Variants in ARHGAP35 observed in about 807,000 individuals in gnomAD.
ARHGAP35 encodes the protein rho GTPase-activating protein 35.
A neutral mutation model predicts 111.1 loss-of-function variants in ARHGAP35; 15 were observed. The observed-to-expected ratio is 0.13, with a 90% CI of 0.09 to 0.21. The LOEUF is 0.21. Ranked by LOEUF, ARHGAP35 falls within the 10% of genes least tolerant of loss-of-function variation. The probability of loss-of-function intolerance (pLI) is 1.00; values close to 1 mark genes in which losing one functional copy is unlikely to be tolerated. For synonymous variants in ARHGAP35, 643 were observed against 710.3 expected (o/e 0.91, Z 1.51); for missense variants, 1,262 against 1,873.0 (o/e 0.67, Z 6.02).
At position 46,988,155 on chromosome 19, in the gene ARHGAP35, C is replaced by T; in HGVS notation, c.3904+89C>T. 2 of 1,283,568 alleles carry T rather than the reference C, an allele frequency of 1.6e-6. No homozygotes were observed. Among genetic ancestry groups the T allele is most frequent in the Non-Finnish European group, 2.2e-6 (2 of 907,486 alleles). 79.5% of individuals were successfully genotyped at this position (1,283,568 alleles called of 1,614,324 possible). ...GTGAACTGTCTGTGGGGCTTCGGAG[C>T]ACTCCTGCCAGCACAGACCCAAAGC... On this transcript the variant is annotated intron_variant, in intron 4 of 6. Coordinates refer to ENST00000672722, the MANE Select transcript of ARHGAP35 (RefSeq NM_004491.5). This position sits in a 1 kb window ranked among gnomAD's most constrained non-coding sequence, Gnocchi z 5.4.
At chr19:46,946,313 A>G (rs2122239071) in intron 3 of ARHGAP35, among the ~76,000 whole-genome samples, 1 of 152,320 alleles carries the variant, frequency 6.6e-6, no homozygotes, top group East Asian at 1.9e-4. Flanking sequence ...GGGTCAGGGT[A>G]CATCTCAGTC....
intron 3 of ARHGAP35, 141 bp from the exon 4 acceptor site, chr19:46,987,848 G>C: frequency 1.5e-6 from 1 of 660,244 alleles, no homozygotes; most frequent in Non-Finnish European, 2.6e-6. Context: ...AAAATCAAAC[G>C]AGAGTGTGCT....
At chr19:46,976,570 G>A (rs189677624) in intron 3 of ARHGAP35, among the ~76,000 whole-genome samples, 43 of 152,368 alleles carry the variant, frequency 2.8e-4, no homozygotes, top group African/African-American at 1.0e-3. Flanking sequence ...GGTTCCAGCC[G>A]GCTGCTTTGC....
intron 1 of ARHGAP35, among the ~76,000 whole-genome samples, chr19:46,872,140 A>G (rs1372136514): frequency 1.3e-5 from 2 of 152,210 alleles, no homozygotes; most frequent in African/African-American, 2.4e-5. Context: ...GCTTTGTGGA[A>G]AGGTTATGGA....
Position 46,919,406 on chromosome 19 carries a change from T to C in ARHGAP35, c.731T>C (p.Val244Ala), listed in dbSNP as rs1253947315. ...GTGGACTTGGCTTTCAGCACCTTAG[T>C]GCAACTCATTGATAAAAGTCGGGGA... is the stretch of plus-strand genomic sequence containing the variant. ...VNVDLAFSTL[V>A]QLIDKSRGKT... The change falls in exon 2 of 7, where the codon GTG becomes GCG. Residue 244 changes from valine (V) to alanine (A), a missense_variant. Val to Ala is a moderately conservative substitution (Grantham distance 64). This residue lies in a region of ARHGAP35 where 328 missense variants were observed against 440.8 expected (regional missense o/e 0.74). Transcript: ENST00000672722. The surrounding 1 kb of genome is among the most constrained non-coding windows in gnomAD (Gnocchi z 6.2). 1.2e-6 allele frequency: 2 copies of C among 1,614,004 alleles called. No individual in the cohort carries two copies. Among genetic ancestry groups the C allele is most frequent in the Admixed American group, 1.7e-5 (1 of 60,026 alleles).
In ARHGAP35 at chr19:46,926,947, T is replaced by C. The variant is rs898896841; in HGVS notation, c.3681+4591T>C. On this transcript the variant is annotated intron_variant, in intron 2 of 6. Transcript: ENST00000672722. The surrounding 1 kb of genome is among the most constrained non-coding windows in gnomAD (Gnocchi z 4.1). ...ACTGCTTGCTCCCCTGGGAGGGATG[T>C]TGAGTTTTGACAGACAAGCTGAATG... Among the ~76,000 whole-genome samples, 1 of 152,182 alleles carries C rather than the reference T, an allele frequency of 6.6e-6. No individual in the cohort carries two copies. Among genetic ancestry groups the C allele is most frequent in the Non-Finnish European group, 1.5e-5 (1 of 68,044 alleles).
intron 1 of ARHGAP35, among the ~76,000 whole-genome samples, chr19:46,912,805 C>G (rs934516111): frequency 4.6e-5 from 7 of 151,998 alleles, no homozygotes; most frequent in African/African-American, 7.2e-5. Context: ...CTCCCACCCC[C>G]CAACTGAGTC....
rs1201766891 is a variant in ARHGAP35 at position 46,921,153 on chromosome 19, C to G, written c.2478C>G (p.Ile826Met). The change falls in exon 2 of 7, where the codon ATC (isoleucine) becomes ATG (methionine). Residue 826 changes from isoleucine (I) to methionine (M), a missense_variant. Ile to Met is a conservative substitution (Grantham distance 10). Around this residue, in one of 8 missense-constraint regions of ARHGAP35, gnomAD observed 579 missense variants for 716.9 expected, o/e 0.81. Transcript: ENST00000672722. The surrounding 1 kb of genome is among the most constrained non-coding windows in gnomAD (Gnocchi z 4.3). ...ACTCTGTTTTACTTGAACTACCAAT[C>G]GGACTGCACAAGAAGCGGATTGAAC... ...SNNSVLLELP[I>M]GLHKKRIELS... is the part of the protein sequence containing the mutation. The G allele has an allele frequency of 1.2e-6, 2 of 1,614,024 alleles. No homozygotes were observed. The highest frequency in any genetic ancestry group is 1.7e-6 in the Non-Finnish European group (2 of 1,179,896).
At chr19:46,984,533 A>G (rs1481408109) in intron 3 of ARHGAP35, among the ~76,000 whole-genome samples, 1 of 151,960 alleles carries the variant, frequency 6.6e-6, no homozygotes, top group African/African-American at 2.4e-5. Context: ...AGTTTTTTTA[A>G]TCTTTTTTTA....
chr19:46,904,608 C>T (rs2122172209), intron 1 of ARHGAP35, among the ~76,000 whole-genome samples: 1 of 152,326 alleles, frequency 6.6e-6, no homozygotes, highest in South Asian at 2.1e-4. Flanking sequence ...ACTGTGTCAG[C>T]ATTTCCATGA....
In ARHGAP35 at chr19:46,921,236, G is replaced by A; in HGVS notation, c.2561G>A (p.Gly854Glu). ...ATCAGAAAGAGCCGGTTGGTTCATG[G>A]GTACATTGTTTTTTATTCAGCCAAA... ...FSIRKSRLVH[G>E]YIVFYSAKRK... The change falls in exon 2 of 7, where the codon GGG (glycine) becomes GAG (glutamate). Residue 854 changes from glycine to glutamate, a missense_variant. Physicochemically the swap from Gly to Glu is moderately conservative, Grantham distance 98. Around this residue, in one of 8 missense-constraint regions of ARHGAP35, gnomAD observed 579 missense variants for 716.9 expected, o/e 0.81. Coordinates refer to ENST00000672722, the MANE Select transcript of ARHGAP35 (RefSeq NM_004491.5). The surrounding 1 kb of genome is among the most constrained non-coding windows in gnomAD (Gnocchi z 4.3). 1 of 1,613,942 alleles carries A rather than the reference G, an allele frequency of 6.2e-7. No homozygotes were observed. The highest frequency in any genetic ancestry group is 1.3e-5 in the African/African-American group (1 of 75,004).
chr19:46,924,301 C>G (rs951559676), intron 2 of ARHGAP35, among the ~76,000 whole-genome samples: 6 of 152,302 alleles, frequency 3.9e-5, no homozygotes, highest in Non-Finnish European at 7.4e-5. Flanking sequence ...CTGCGGGCCC[C>G]GAGAGATGGA....
intron 2 of ARHGAP35, among the ~76,000 whole-genome samples, chr19:46,934,509 A>G (rs938091555): frequency 6.6e-6 from 1 of 152,108 alleles, no homozygotes; most frequent in Non-Finnish European, 1.5e-5. Context: ...CTGGGATTAC[A>G]GGCACTTGCC....
chr19:47,001,240 C>T lies in ARHGAP35; in HGVS notation c.*552C>T, dbSNP rs45528734. On this transcript the variant is annotated 3_prime_UTR_variant, in exon 7 of 7. Transcript: ENST00000672722. The surrounding 1 kb of genome is among the most constrained non-coding windows in gnomAD (Gnocchi z 5.4). ...GCCACCACTAGGTACCTGCTGAGGG[C>T]GCTGGCTCTGCAGATCAGAACAACG... 14,855 of 1,284,806 alleles carry T rather than the reference C, an allele frequency of 0.012. 151 individuals carry two copies. Among genetic ancestry groups the T allele is most frequent in the Middle Eastern group, 0.015 (54 of 3,568 alleles). 79.6% of individuals were successfully genotyped at this position (1,284,806 alleles called of 1,614,324 possible).
rs2056372055 is a variant in ARHGAP35 at position 46,945,185 on chromosome 19, GGAGGCGGGGTTGAGGGGGAGCTTAA to G, written c.3826+7781_3826+7805del. ...GGAGGCGGGGTTGAGGGGGAGCTTA[GGAGGCGGGGTTGAGGGGGAGCTTAA>G]GAGTCAGACTAACTTTCTATTTCTA... On this transcript the variant is annotated intron_variant, in intron 3 of 6. Coordinates refer to ENST00000672722, the MANE Select transcript of ARHGAP35 (RefSeq NM_004491.5). This position sits in a 1 kb window ranked among gnomAD's most constrained non-coding sequence, Gnocchi z 4.1. 6.6e-6 allele frequency among the ~76,000 whole-genome samples: 1 copy of G among 151,936 alleles called. No individual in the cohort carries two copies. The highest frequency in any genetic ancestry group is 6.6e-5 in the Admixed American group (1 of 15,252).
At chr19:46,995,591 G>T (rs538952260) in intron 5 of ARHGAP35, among the ~76,000 whole-genome samples, 12 of 152,334 alleles carry the variant, frequency 7.9e-5, no homozygotes, top group Admixed American at 6.5e-5. Flanking sequence ...CAGCCTTGTG[G>T]CCTTCTCTTG....
chr19:46,948,465 G>A (rs1308465373), intron 3 of ARHGAP35: 1 of 152,184 alleles, frequency 6.6e-6, no homozygotes, highest in Non-Finnish European at 1.5e-5. Flanking sequence ...ACTAAGACTT[G>A]TACTCAGCTG....
At chr19:46,885,579 T>A (rs1326457644) in intron 1 of ARHGAP35, among the ~76,000 whole-genome samples, 7 of 152,162 alleles carry the variant, frequency 4.6e-5, no homozygotes, top group Admixed American at 4.6e-4. Flanking sequence ...TTAATGCCGG[T>A]GATTTCATAT....
intron 5 of ARHGAP35, among the ~76,000 whole-genome samples, chr19:46,997,959 C>T (rs1161869160): frequency 6.6e-6 from 1 of 151,726 alleles, no homozygotes; most frequent in African/African-American, 2.4e-5. Flanking sequence ...AAAAATTAGC[C>T]GGCGTGGTGG....
Sources: allele counts gnomAD v4.1 joint callset (sites outside exome capture counted in the v4.1 genomes callset), GRCh38; gene constraint gnomAD v4.1.1; regional missense constraint gnomAD v4.1.1; non-coding constraint Gnocchi (gnomAD v3.1); transcripts MANE v1.5; gene names NCBI Gene and HGNC (gene_info 2026-07-23, HGNC 2026-07-21).